The following PKDREJ variants were observed in gnomAD, a reference collection of about 807,000 sequenced individuals.
PKDREJ encodes polycystin family receptor for egg jelly.
For missense variants in PKDREJ, 2,507 were observed against 2,807.2 expected (o/e 0.89, Z 2.42); for synonymous variants, 1,031 against 1,095.5 (o/e 0.94, Z 1.16).
rs373903142 is a variant in PKDREJ, at chr22:46,257,200, A to G, written c.6123T>C (p.His2041=). Residue 2041 remains histidine (H), a synonymous_variant, in exon 1 of 1, where the codon CAT becomes CAC. Coordinates refer to ENST00000253255, the MANE Select transcript of PKDREJ (RefSeq NM_006071.2). This position sits in a 1 kb window ranked among gnomAD's most constrained non-coding sequence, Gnocchi z 4.7. ...LSNPEDFIPF[H]AVSQVDHIMR... is the part of the protein sequence containing the mutation. The stretch of plus-strand genomic sequence containing the variant: ...TAATGTGATCTACCTGAGAAACTGC[A>G]TGAAAGGGAATGAAGTCTTCTGGGT... 4.6e-5 allele frequency: 74 copies of G among 1,613,952 alleles called. No homozygotes were observed. Among genetic ancestry groups the G allele is most frequent in the Non-Finnish European group, 6.0e-5 (71 of 1,180,052 alleles).
Position 46,257,656 on chromosome 22 carries a change from C to T in PKDREJ, c.5667G>A (p.Gln1889=). The change falls in exon 1 of 1, where the codon CAG becomes CAA. Residue 1889 remains glutamine (Q), a synonymous_variant. Coordinates refer to ENST00000253255, the MANE Select transcript of PKDREJ (RefSeq NM_006071.2). This position sits in a 1 kb window ranked among gnomAD's most constrained non-coding sequence, Gnocchi z 4.7. The part of the protein sequence containing the change: ...GGYALYFFPE[Q]QRFNSTLRLK... ...GCCTCAGTGTGGAATTAAACCGCTG[C>T]TGTTCTGGAAAAAAATAGAGTGCAT... The T allele has an allele frequency of 1.2e-6, 2 of 1,614,114 alleles. No homozygotes were observed. The highest frequency in any genetic ancestry group is 2.2e-5 in the East Asian group (1 of 44,882).
chr22:46,259,472 A>C lies in PKDREJ; in HGVS notation c.3851T>G (p.Leu1284Arg). 1 of 1,614,192 alleles carries C rather than the reference A, an allele frequency of 6.2e-7. No individual in the cohort carries two copies. Among genetic ancestry groups the C allele is most frequent in the Non-Finnish European group, 8.5e-7 (1 of 1,180,026 alleles). Residue 1284 changes from leucine to arginine, a missense_variant, in exon 1 of 1, where the codon CTA becomes CGA. By Grantham distance (102) the Leu-to-Arg change is moderately radical. Transcript: ENST00000253255. This position sits in a 1 kb window ranked among gnomAD's most constrained non-coding sequence, Gnocchi z 6.8. ...GTCCCCCAAGTCACTTTTTGTCGTT[A>C]GGAGGAAAGTGTTGATGCTACCTCG... is the stretch of plus-strand genomic sequence containing the variant. ...LYRGSINTFL[L>R]TTKSDLGDIH...
At position 46,262,510 on chromosome 22, in the gene PKDREJ, G is replaced by A. The variant is rs775916284; in HGVS notation, c.813C>T (p.Pro271=). 6 of 1,587,524 alleles carry A rather than the reference G, an allele frequency of 3.8e-6. No homozygotes were observed. In the African/African-American group the frequency reaches 5.4e-5, roughly 14 times the overall value. The change falls in exon 1 of 1, where the codon CCC becomes CCT. Residue 271 remains proline (P), a synonymous_variant. Coordinates refer to ENST00000253255, the MANE Select transcript of PKDREJ (RefSeq NM_006071.2). The surrounding 1 kb of genome is among the most constrained non-coding windows in gnomAD (Gnocchi z 8.1). ...VFSVPAVGQA[P]DWTQPLDLPQ... is the part of the protein sequence containing the mutation. ...GCAGATCCAAGGGCTGCGTCCAGTC[G>A]GGCGCCTGACCCACGGCGGGCACGG...
Position 46,255,798 on chromosome 22 carries a change from C to T in PKDREJ, c.*763G>A, listed in dbSNP as rs1034363219. The T allele has an allele frequency of 6.6e-6, 1 of 152,194 alleles. No individual in the cohort carries two copies. The allele number at this position is 152,194 out of a possible 1,614,324, so 9.4% of individuals were successfully genotyped here. On this transcript the variant is annotated 3_prime_UTR_variant, in exon 1 of 1. Transcript: ENST00000253255. ...GTGATAAACCACATTTTCCTTATTC[C>T]TGAATAGTCCAGCACGCTATTAATA... is the stretch of plus-strand genomic sequence containing the variant.
chr22:46,263,116 A>AGCGCCGCCCGCCCGCACC lies in PKDREJ; in HGVS notation c.189_206dup (p.Arg65_Val70dup). 9 of 1,245,274 alleles carry AGCGCCGCCCGCCCGCACC rather than the reference A, an allele frequency of 7.2e-6. No individual in the cohort carries two copies. The highest frequency in any genetic ancestry group is 9.1e-6 in the Non-Finnish European group (9 of 993,396). 77.1% of individuals were successfully genotyped at this position (1,245,274 alleles called of 1,614,324 possible). On this transcript the variant is annotated inframe_insertion, in exon 1 of 1. Transcript: ENST00000253255. The surrounding 1 kb of genome is among the most constrained non-coding windows in gnomAD (Gnocchi z 9.4). ...AGAGGCTGCCGCGGCCGCTCAGGAC[A>AGCGCCGCCCGCCCGCACC]GCGCCGCCCGCCCGCACCGCGCTGG... is the stretch of plus-strand genomic sequence containing the variant.
Position 46,262,314 on chromosome 22 carries a change from G to C in PKDREJ, c.1009C>G (p.Gln337Glu). The stretch of plus-strand genomic sequence containing the variant: ...TTGGCATCGCCAAGCATCACCGCCT[G>C]CAGGGAACTCCTGACGATCCAGACA... ...VYVWIVRSSL[Q>E]AVMLGDANIT... The change falls in exon 1 of 1, where the codon CAG becomes GAG. Residue 337 changes from glutamine to glutamate, a missense_variant. By Grantham distance (29) the Gln-to-Glu change is conservative. Coordinates refer to ENST00000253255, the MANE Select transcript of PKDREJ (RefSeq NM_006071.2). This position sits in a 1 kb window ranked among gnomAD's most constrained non-coding sequence, Gnocchi z 8.1. 1 of 1,614,208 alleles carries C rather than the reference G, an allele frequency of 6.2e-7. No homozygotes were observed. The highest frequency in any genetic ancestry group is 8.5e-7 in the Non-Finnish European group (1 of 1,180,036).
Position 46,260,146 on chromosome 22 carries a change from A to G in PKDREJ, c.3177T>C (p.Pro1059=), listed in dbSNP as rs1226970971. 2 of 1,613,946 alleles carry G rather than the reference A, an allele frequency of 1.2e-6. No homozygotes were observed. The highest frequency in any genetic ancestry group is 8.5e-7 in the Non-Finnish European group (1 of 1,179,928). Residue 1059 remains proline (P), a synonymous_variant, in exon 1 of 1, where the codon CCT becomes CCC. Transcript: ENST00000253255. This position sits in a 1 kb window ranked among gnomAD's most constrained non-coding sequence, Gnocchi z 4.5. ...GAGCTATGAGTTGCAGCAGGGACAC[A>G]GGGAGGCAGACTACACGGGCCTTCT... ...TVKKARVVCL[P]VSLLQLIAQH... is the part of the protein sequence containing the mutation.
rs188538562 is a variant in PKDREJ, at chr22:46,256,202, G to A, written c.*359C>T. The A allele has an allele frequency of 5.2e-4, 116 of 224,906 alleles. 2 individuals are homozygous for A. The highest frequency in any genetic ancestry group is 1.7e-3 in the Middle Eastern group (1 of 592). 13.9% of individuals were successfully genotyped at this position (224,906 alleles called of 1,614,324 possible). A position where few individuals can be genotyped will look rare whatever the true frequency, so the allele number is the denominator to read the frequency against. ...CCAGACAATGCTCCACCCTGGCCAG[G>A]TCCCTCTCTCAAATCTGGTTCTCAA... On this transcript the variant is annotated 3_prime_UTR_variant, in exon 1 of 1. Coordinates refer to ENST00000253255, the MANE Select transcript of PKDREJ (RefSeq NM_006071.2). The surrounding 1 kb of genome is among the most constrained non-coding windows in gnomAD (Gnocchi z 5.3).
Position 46,259,872 on chromosome 22 carries a change from C to T in PKDREJ, c.3451G>A (p.Gly1151Ser). The T allele has an allele frequency of 6.2e-7, 1 of 1,613,414 alleles. No homozygotes were observed. Among genetic ancestry groups the T allele is most frequent in the Non-Finnish European group, 8.5e-7 (1 of 1,180,012 alleles). ...ACATAGTGGGTATGCAGGTGAATGC[C>T]CGTGAGTCCGATTGTGCCCAGCTGC... ...RRQLGTIGLTGIHLHTHYVMA... is the reference protein window; with the variant it reads ...RRQLGTIGLTSIHLHTHYVMA... The change falls in exon 1 of 1, where the codon GGC (glycine) becomes AGC (serine). Residue 1151 changes from glycine to serine, a missense_variant. By Grantham distance (56) the Gly-to-Ser change is moderately conservative. Transcript: ENST00000253255. This position sits in a 1 kb window ranked among gnomAD's most constrained non-coding sequence, Gnocchi z 6.8.
At position 46,261,476 on chromosome 22, in the gene PKDREJ, G is replaced by T. The variant is rs775874909; in HGVS notation, c.1847C>A (p.Thr616Asn). 1 of 1,614,090 alleles carries T rather than the reference G, an allele frequency of 6.2e-7. No individual in the cohort carries two copies. Among genetic ancestry groups the T allele is most frequent in the South Asian group, 1.1e-5 (1 of 91,072 alleles). The stretch of plus-strand genomic sequence containing the variant: ...CCCCAAGTACAGGATGGTCCCCAGG[G>T]TGTTCTCTTTTACTGAACTGATTTC... ...VGEISSVKENTLGTILYLGPQ... is the reference protein window; with the variant it reads ...VGEISSVKENNLGTILYLGPQ... Residue 616 changes from threonine (T) to asparagine (N), a missense_variant, in exon 1 of 1, where the codon ACC becomes AAC. Coordinates refer to ENST00000253255, the MANE Select transcript of PKDREJ (RefSeq NM_006071.2). The surrounding 1 kb of genome is among the most constrained non-coding windows in gnomAD (Gnocchi z 7.1).
At position 46,261,141 on chromosome 22, in the gene PKDREJ, C is replaced by T. The variant is rs139106317; in HGVS notation, c.2182G>A (p.Asp728Asn). The T allele has an allele frequency of 6.0e-4, 962 of 1,614,018 alleles. 1 individual carries two copies. Among genetic ancestry groups the T allele is most frequent in the Non-Finnish European group, 7.6e-4 (898 of 1,179,996 alleles). ...NNMKTELPLR[D>N]DRVNLRKHLI... ...TGTTTTCGGAGATTGACTCTGTCAT[C>T]TCGGAGAGGTAATTCAGTTTTCATG... Residue 728 changes from aspartate (D) to asparagine (N), a missense_variant, in exon 1 of 1, where the codon GAT (aspartate) becomes AAT (asparagine). Asp to Asn is a conservative substitution (Grantham distance 23). Coordinates refer to ENST00000253255, the MANE Select transcript of PKDREJ (RefSeq NM_006071.2). The surrounding 1 kb of genome is among the most constrained non-coding windows in gnomAD (Gnocchi z 7.1).
In PKDREJ at chr22:46,259,684, A is replaced by T. The variant is rs759683259; in HGVS notation, c.3639T>A (p.His1213Gln). 6 of 1,614,186 alleles carry T rather than the reference A, an allele frequency of 3.7e-6. No individual in the cohort carries two copies. The highest frequency in any genetic ancestry group is 5.1e-6 in the Non-Finnish European group (6 of 1,180,030). Residue 1213 changes from histidine to glutamine, a missense_variant, in exon 1 of 1, where the codon CAT (histidine) becomes CAA (glutamine). Coordinates refer to ENST00000253255, the MANE Select transcript of PKDREJ (RefSeq NM_006071.2). The surrounding 1 kb of genome is among the most constrained non-coding windows in gnomAD (Gnocchi z 6.8). ...WALYRDEMDQ[H>Q]LRGHVIVLPD... ...GTAGAACTATCACATGCCCCCGAAG[A>T]TGCTGGTCCATTTCATCCCTGTATA... is the stretch of plus-strand genomic sequence containing the variant.
rs1294284418 is a variant in PKDREJ, at chr22:46,259,012, T to A, written c.4311A>T (p.Thr1437=). 6.2e-7 allele frequency: 1 copy of A among 1,614,154 alleles called. No homozygotes were observed. The highest frequency in any genetic ancestry group is 1.1e-5 in the South Asian group (1 of 91,068). The part of the protein sequence containing the change: ...MMIGIESVLI[T]IPVQLLITFL... ...AAGTTATTAATAATTGCACAGGGAT[T>A]GTAATTAAGACACTTTCAATTCCTA... The change falls in exon 1 of 1, where the codon ACA becomes ACT. Residue 1437 remains threonine, a synonymous_variant. Transcript: ENST00000253255. The surrounding 1 kb of genome is among the most constrained non-coding windows in gnomAD (Gnocchi z 6.8).
In PKDREJ at chr22:46,256,378, C is replaced by A; in HGVS notation, c.*183G>T. ...TCTCCCCAGATGCTACACTACACTCCCAACTTTTACACTCCCAAGAGCAGA... is the reference window on the plus strand; with the variant it reads ...TCTCCCCAGATGCTACACTACACTCACAACTTTTACACTCCCAAGAGCAGA... On this transcript the variant is annotated 3_prime_UTR_variant, in exon 1 of 1. Transcript: ENST00000253255. This position sits in a 1 kb window ranked among gnomAD's most constrained non-coding sequence, Gnocchi z 5.3. 1 of 1,046,888 alleles carries A rather than the reference C, an allele frequency of 9.6e-7. No individual in the cohort carries two copies. Among genetic ancestry groups the A allele is most frequent in the Non-Finnish European group, 1.3e-6 (1 of 742,312 alleles). 64.8% of individuals were successfully genotyped at this position (1,046,888 alleles called of 1,614,324 possible).
At position 46,259,386 on chromosome 22, in the gene PKDREJ, T is replaced by C; in HGVS notation, c.3937A>G (p.Arg1313Gly). Residue 1313 changes from arginine (R) to glycine (G), a missense_variant, in exon 1 of 1, where the codon AGA becomes GGA. Transcript: ENST00000253255. This position sits in a 1 kb window ranked among gnomAD's most constrained non-coding sequence, Gnocchi z 6.8. ...EGRSPSWYLSRIKVENLFSRH... is the reference protein window; with the variant it reads ...EGRSPSWYLSGIKVENLFSRH... Reference sequence around the variant, plus strand: ...CTAAACAGATTTTCCACTTTGATTCTACTTAAATACCAGCTAGGCGATCGA... The same window carrying C: ...CTAAACAGATTTTCCACTTTGATTCCACTTAAATACCAGCTAGGCGATCGA... 6.2e-7 allele frequency: 1 copy of C among 1,614,252 alleles called. No homozygotes were observed. The highest frequency in any genetic ancestry group is 8.5e-7 in the Non-Finnish European group (1 of 1,180,048).
rs1263055251 is a variant in PKDREJ, at chr22:46,258,038, C to G, written c.5285G>C (p.Arg1762Thr). Reference sequence around the variant, plus strand: ...AGGCAACAGCACGCTGTTTAGCCATCTATAGATGTCTTCCAGCTTAGTCAC... The same window carrying G: ...AGGCAACAGCACGCTGTTTAGCCATGTATAGATGTCTTCCAGCTTAGTCAC... ...ATVTKLEDIY[R>T]WLNSVLLPLL... Residue 1762 changes from arginine to threonine, a missense_variant, in exon 1 of 1, where the codon AGA (arginine) becomes ACA (threonine). Coordinates refer to ENST00000253255, the MANE Select transcript of PKDREJ (RefSeq NM_006071.2). This position sits in a 1 kb window ranked among gnomAD's most constrained non-coding sequence, Gnocchi z 6.1. 6.2e-7 allele frequency: 1 copy of G among 1,614,054 alleles called. No homozygotes were observed. The highest frequency in any genetic ancestry group is 2.2e-5 in the East Asian group (1 of 44,886).
In PKDREJ at chr22:46,263,021, C is replaced by T; in HGVS notation, c.302G>A (p.Arg101His). The T allele has an allele frequency of 2.3e-6, 3 of 1,301,212 alleles. No individual in the cohort carries two copies. The highest frequency in any genetic ancestry group is 3.3e-5 in the Admixed American group (1 of 30,528). The allele number at this position is 1,301,212 out of a possible 1,614,324, so 80.6% of individuals were successfully genotyped here. ...CGCGGGCGCGGCCGGCCAGGGCAGGCGTTGGGCGCTGAGCAGGACGCGCAA... is the reference window on the plus strand; with the variant it reads ...CGCGGGCGCGGCCGGCCAGGGCAGGTGTTGGGCGCTGAGCAGGACGCGCAA... ...LDLRVLLSAQ[R>H]LPWPAAPALA... The change falls in exon 1 of 1, where the codon CGC becomes CAC. Residue 101 changes from arginine to histidine, a missense_variant. Arg to His is a conservative substitution (Grantham distance 29, BLOSUM62 0). Transcript: ENST00000253255. The surrounding 1 kb of genome is among the most constrained non-coding windows in gnomAD (Gnocchi z 9.4).
rs1936699851 is a variant in PKDREJ at position 46,261,842 on chromosome 22, G to A, written c.1481C>T (p.Ser494Leu). The A allele has an allele frequency of 6.2e-7, 1 of 1,613,612 alleles. No homozygotes were observed. Among genetic ancestry groups the A allele is most frequent in the African/African-American group, 1.3e-5 (1 of 74,868 alleles). ...NCASRDFYKWSILSSSGGEML... is the reference protein window; with the variant it reads ...NCASRDFYKWLILSSSGGEML... Reference sequence around the variant, plus strand: ...CTCACCACCTGAAGAAGACAAAATTGACCATTTATAGAAATCACGGCTTGC... The same window carrying A: ...CTCACCACCTGAAGAAGACAAAATTAACCATTTATAGAAATCACGGCTTGC... The change falls in exon 1 of 1, where the codon TCA becomes TTA. Residue 494 changes from serine (S) to leucine (L), a missense_variant. Coordinates refer to ENST00000253255, the MANE Select transcript of PKDREJ (RefSeq NM_006071.2). This position sits in a 1 kb window ranked among gnomAD's most constrained non-coding sequence, Gnocchi z 7.1.
Position 46,259,298 on chromosome 22 carries a change from G to A in PKDREJ, c.4025C>T (p.Thr1342Ile), listed in dbSNP as rs1225298748. Reference protein sequence around the residue: ...WLSVDTTLDRTFHVTHPDERL... With the variant: ...WLSVDTTLDRIFHVTHPDERL... ...CTCATCTGGATGGGTAACGTGAAATGTTCTGTCCAAAGTGGTATCAACAGA... is the reference window on the plus strand; with the variant it reads ...CTCATCTGGATGGGTAACGTGAAATATTCTGTCCAAAGTGGTATCAACAGA... The change falls in exon 1 of 1, where the codon ACA (threonine) becomes ATA (isoleucine). Residue 1342 changes from threonine (T) to isoleucine (I), a missense_variant. Coordinates refer to ENST00000253255, the MANE Select transcript of PKDREJ (RefSeq NM_006071.2). This position sits in a 1 kb window ranked among gnomAD's most constrained non-coding sequence, Gnocchi z 6.8. The A allele has an allele frequency of 2.5e-6, 4 of 1,614,060 alleles. No individual in the cohort carries two copies. The highest frequency in any genetic ancestry group is 2.7e-5 in the African/African-American group (2 of 74,930).
Sources: allele counts gnomAD v4.1 joint callset, GRCh38; gene constraint gnomAD v4.1.1; non-coding constraint Gnocchi (gnomAD v3.1); transcripts MANE v1.5; gene names NCBI Gene and HGNC (gene_info 2026-07-23, HGNC 2026-07-21).